PLEKHD1: variants seen among roughly 807,000 people sequenced by gnomAD.
The protein encoded by PLEKHD1 is pleckstrin homology domain-containing family D member 1.
A neutral mutation model predicts 69.2 loss-of-function variants in PLEKHD1; 51 were observed. That is an observed-to-expected ratio of 0.74 (90% CI 0.59 to 0.93). The LOEUF is 0.93. Among genes scored for constraint, PLEKHD1 ranks in the 40% least tolerant of loss-of-function variants. PLEKHD1 has a pLI of 0.00. For missense variants in PLEKHD1, 584 were observed against 641.0 expected (o/e 0.91, Z 0.96); for synonymous variants, 236 against 244.7 (o/e 0.96, Z 0.33).
intron 6 of PLEKHD1, among the ~76,000 whole-genome samples, chr14:69,516,656 T>G (rs1220662492): frequency 1.3e-5 from 2 of 152,078 alleles, no homozygotes; most frequent in Non-Finnish European, 2.9e-5. Context: ...GGAAAAAGGG[T>G]GGGTATCATG....
intron 11 of PLEKHD1, 84 bp downstream of exon 11, chr14:69,527,416 A>C (rs1339672429): frequency 3.0e-5 from 45 of 1,524,866 alleles, no homozygotes; most frequent in Non-Finnish European, 3.9e-5. Context: ...CAGGAAACCC[A>C]CACAGGGTCT....
Position 69,484,863 on chromosome 14 carries a change from C to A in PLEKHD1, c.-103C>A. ...GGCCGGGCCGCTCTGCTTCTCTGCT[C>A]GCTGGGACGCTCTCCGACGGCTCCG... On this transcript the variant is annotated 5_prime_UTR_variant, in exon 1 of 13. Coordinates refer to ENST00000322564, the MANE Select transcript of PLEKHD1 (RefSeq NM_001161498.2). 1 of 1,372,016 alleles carries A rather than the reference C, an allele frequency of 7.3e-7. No homozygotes were observed. The highest frequency in any genetic ancestry group is 9.8e-7 in the Non-Finnish European group (1 of 1,016,730). 85.0% of individuals were successfully genotyped at this position (1,372,016 alleles called of 1,614,324 possible).
At position 69,498,091 on chromosome 14, in the gene PLEKHD1, ATTTTATTT is replaced by A. The variant is rs1301008837; in HGVS notation, c.150-2022_150-2015del. ...ATTTTATTTTATTTTATTTTATTTT[ATTTTATTT>A]TATTTTAGAGAGTCTTGCTCTGTCA... is the stretch of plus-strand genomic sequence containing the variant. On this transcript the variant is annotated intron_variant, in intron 1 of 12. Transcript: ENST00000322564. 5.0e-3 allele frequency among the ~76,000 whole-genome samples: 719 copies of A among 143,192 alleles called. 3 individuals are homozygous for A. The highest frequency in any genetic ancestry group is 0.014 in the Middle Eastern group (4 of 288). The allele number at this position is 143,192 out of a possible 152,430, so 93.9% of individuals were successfully genotyped here.
At chr14:69,499,225 G>GCACA (rs10551303) in intron 1 of PLEKHD1, among the ~76,000 whole-genome samples, 2,652 of 144,386 alleles carry the variant, frequency 0.018, 26 homozygotes, top group African/African-American at 0.022. Context: ...TCTCATACGT[G>GCACA]CACACACACA....
chr14:69,482,062 T>C (rs566663658), upstream of PLEKHD1, among the ~76,000 whole-genome samples: 6 of 152,326 alleles, frequency 3.9e-5, no homozygotes, highest in African/African-American at 1.2e-4. Context: ...TATCTAGTGG[T>C]TGATCAAACT....
chr14:69,491,870 T>C (rs1315389617), intron 1 of PLEKHD1, among the ~76,000 whole-genome samples: 1 of 152,228 alleles, frequency 6.6e-6, no homozygotes, highest in African/African-American at 2.4e-5. Flanking sequence ...GTCCTGGTCA[T>C]CGTGTCATCC....
intron 6 of PLEKHD1, among the ~76,000 whole-genome samples, chr14:69,509,937 C>CAA (rs879827722): frequency 2.1e-5 from 3 of 141,340 alleles, no homozygotes; most frequent in African/African-American, 7.8e-5. Flanking sequence ...GACTCCATCT[C>CAA]AAAAAAAAAA....
chr14:69,478,589 T>C, the PLEKHD1 span, among the ~76,000 whole-genome samples: 1 of 152,190 alleles, frequency 6.6e-6, no homozygotes, highest in Non-Finnish European at 1.5e-5. Flanking sequence ...CTAAATCTTC[T>C]CTCTCAAGTT....
At chr14:69,476,894 T>G in the PLEKHD1 span, among the ~76,000 whole-genome samples, 1 of 152,202 alleles carries the variant, frequency 6.6e-6, no homozygotes, top group South Asian at 2.1e-4. Flanking sequence ...TACAGTTCCA[T>G]GCGGCTGGGG....
At chr14:69,498,052 A>ATTTT in intron 1 of PLEKHD1, among the ~76,000 whole-genome samples, 3 of 136,094 alleles carry the variant, frequency 2.2e-5, no homozygotes, top group Non-Finnish European at 4.7e-5. Context: ...ATTTTATTTT[A>ATTTT]TTTTATTTAT....
intron 12 of PLEKHD1, 145 bp downstream of exon 12, chr14:69,528,077 A>G (rs1261808550): frequency 1.3e-5 from 19 of 1,448,206 alleles, no homozygotes; most frequent in Admixed American, 2.2e-5. Context: ...AAACGGGTGA[A>G]TTCTCAGGGC....
the PLEKHD1 span, among the ~76,000 whole-genome samples, chr14:69,473,768 G>T: frequency 6.6e-6 from 1 of 152,152 alleles, no homozygotes; most frequent in Admixed American, 6.5e-5. Context: ...GGATCGAGGG[G>T]GAGATTGGGG....
Position 69,500,211 on chromosome 14 carries a change from G to A in PLEKHD1, c.243+3G>A. On this transcript the variant is annotated splice_donor_region_variant and intron_variant, in intron 2 of 12. Transcript: ENST00000322564. ...AATACTTCAATATACATCCTAAGGT[G>A]AGGCGGCCCCTCCCAGGGCCACAGC... 6.5e-7 allele frequency: 1 copy of A among 1,543,110 alleles called. No individual in the cohort carries two copies. The highest frequency in any genetic ancestry group is 2.4e-5 in the East Asian group (1 of 40,882).
At chr14:69,478,957 CTG>C in the PLEKHD1 span, among the ~76,000 whole-genome samples, 1 of 152,186 alleles carries the variant, frequency 6.6e-6, no homozygotes, top group Non-Finnish European at 1.5e-5. Context: ...AGGGACTAGA[CTG>C]TGAAGGGTGT....
At chr14:69,470,520 G>A in the PLEKHD1 span, among the ~76,000 whole-genome samples, 1 of 151,948 alleles carries the variant, frequency 6.6e-6, no homozygotes, top group Admixed American at 6.6e-5. Flanking sequence ...ACTCTAAAGT[G>A]TGTGCAATTC....
chr14:69,525,838 A>C, intron 8 of PLEKHD1, 106 bp from the exon 9 acceptor site: 1 of 1,063,912 alleles, frequency 9.4e-7, no homozygotes, highest in Non-Finnish European at 1.3e-6. Flanking sequence ...GCCATAGAGG[A>C]CTGAGAGAGG....
intron 6 of PLEKHD1, among the ~76,000 whole-genome samples, chr14:69,514,378 A>C (rs1295824): frequency 6.6e-6 from 1 of 151,696 alleles, no homozygotes; most frequent in East Asian, 1.9e-4. Context: ...CATCATAAGC[A>C]TTCTTCACTC....
intron 6 of PLEKHD1, among the ~76,000 whole-genome samples, chr14:69,514,358 G>A (rs953624494): frequency 3.3e-5 from 5 of 150,994 alleles, no homozygotes; most frequent in Non-Finnish European, 5.9e-5. Flanking sequence ...GTCCAGTCTC[G>A]CAATGATCCC....
At chr14:69,522,216 T>C (rs531945246) in intron 6 of PLEKHD1, 67 bp from the exon 7 acceptor site, 2 of 1,416,578 alleles carry the variant, frequency 1.4e-6, no homozygotes, top group East Asian at 5.0e-5. Context: ...TGGGATAGAG[T>C]GGGGGATCCT....
Sources: allele counts gnomAD v4.1 joint callset (sites outside exome capture counted in the v4.1 genomes callset), GRCh38; gene constraint gnomAD v4.1.1; transcripts MANE v1.5; gene names NCBI Gene and HGNC (gene_info 2026-07-23, HGNC 2026-07-21).